RPN2: variants seen among roughly 807,000 people sequenced by gnomAD.
RPN2 encodes dolichyl-diphosphooligosaccharide--protein glycosyltransferase subunit 2.
Under a neutral mutation model 71.4 loss-of-function variants are expected in RPN2, and 29 were observed. The observed-to-expected ratio is 0.41, with a 90% CI of 0.30 to 0.55. The LOEUF is 0.55. Among genes scored for constraint, RPN2 ranks in the 20% least tolerant of loss-of-function variants. RPN2 has a pLI of 0.35. For synonymous variants in RPN2, 308 were observed against 305.0 expected (o/e 1.01, Z -0.10); for missense variants, 726 against 774.1 (o/e 0.94, Z 0.74).
At chr20:37,216,887 T>C (rs924907055) in intron 9 of RPN2, among the ~76,000 whole-genome samples, 4 of 152,144 alleles carry the variant, frequency 2.6e-5, no homozygotes, top group Admixed American at 6.5e-5. Flanking sequence ...CTTATTGCAT[T>C]ATATTACCAT....
rs578240193 is a variant in RPN2, at chr20:37,203,330, A to G, written c.480-555A>G. ...ACCCCTGAATTGTTTGCTTTTTAAA[A>G]TGGTTAATTTTATGTGAATTTTGCT... On this transcript the variant is annotated intron_variant, in intron 4 of 16. Coordinates refer to ENST00000237530, the MANE Select transcript of RPN2 (RefSeq NM_002951.5). Among the ~76,000 whole-genome samples, 26 of 150,358 alleles carry G rather than the reference A, an allele frequency of 1.7e-4. No individual in the cohort carries two copies. The South Asian group carries it at 5.3e-3, about 31-fold the overall frequency.
At chr20:37,197,187 G>A (rs1019863782) in intron 2 of RPN2, among the ~76,000 whole-genome samples, 2 of 152,202 alleles carry the variant, frequency 1.3e-5, no homozygotes, top group African/African-American at 4.8e-5. Flanking sequence ...CATGGAGAGG[G>A]AGGGTCAGTC....
chr20:37,211,872 G>T (rs1270854856), intron 8 of RPN2, among the ~76,000 whole-genome samples: 1 of 151,892 alleles, frequency 6.6e-6, no homozygotes, highest in Non-Finnish European at 1.5e-5. Context: ...TAAGTAGCTG[G>T]GATTACAGGC....
chr20:37,228,889 G>C (rs2068157494), intron 12 of RPN2, 145 bp downstream of exon 12: 1 of 748,746 alleles, frequency 1.3e-6, no homozygotes, highest in Non-Finnish European at 2.3e-6. Context: ...ACTGTGTGCA[G>C]TCTCCATAAA....
chr20:37,191,565 A>C (rs1240109756), intron 2 of RPN2, among the ~76,000 whole-genome samples: 1 of 151,940 alleles, frequency 6.6e-6, no homozygotes, highest in Admixed American at 6.6e-5. Flanking sequence ...CAGGCAATCA[A>C]GACCATCCTG....
chr20:37,236,528 A>G, intron 15 of RPN2, 52 bp from the exon 16 acceptor site: 4 of 1,605,798 alleles, frequency 2.5e-6, no homozygotes, highest in Non-Finnish European at 3.4e-6. Context: ...CCTCAACCGC[A>G]GGGCATCATT....
At chr20:37,186,252 CTT>C (rs1444402050) in intron 2 of RPN2, among the ~76,000 whole-genome samples, 1 of 152,206 alleles carries the variant, frequency 6.6e-6, no homozygotes, top group Non-Finnish European at 1.5e-5. Flanking sequence ...TGCAAAATCA[CTT>C]TATAACAGTT....
intron 8 of RPN2, among the ~76,000 whole-genome samples, chr20:37,210,648 A>G (rs1283066342): frequency 6.6e-6 from 1 of 151,488 alleles, no homozygotes; most frequent in Non-Finnish European, 1.5e-5. Context: ...CTCCTGCCTC[A>G]ATCTCCCAAG....
At chr20:37,184,077 C>G in intron 1 of RPN2, 103 bp from the exon 2 acceptor site, 1 of 1,385,942 alleles carries the variant, frequency 7.2e-7, no homozygotes, top group Non-Finnish European at 1.0e-6. Flanking sequence ...CTCGCCCTTC[C>G]CCATGTGATT....
intron 2 of RPN2, 149 bp from the exon 3 acceptor site, chr20:37,198,248 T>A: frequency 6.9e-7 from 1 of 1,457,740 alleles, no homozygotes; most frequent in East Asian, 2.4e-5. Flanking sequence ...TAATACCGTG[T>A]CCTATGGAAA....
chr20:37,241,219 A>C, intron 16 of RPN2, 84 bp from the exon 17 acceptor site: 2 of 1,494,728 alleles, frequency 1.3e-6, no homozygotes, highest in Admixed American at 1.7e-5. Context: ...AGAGTACCTT[A>C]GTCTCTCTGT....
chr20:37,209,982 C>G, intron 7 of RPN2, 65 bp from the exon 8 acceptor site: 1 of 1,600,660 alleles, frequency 6.2e-7, no homozygotes, highest in South Asian at 1.1e-5. Context: ...ATAAAGCACC[C>G]CAGAAACAAA....
chr20:37,200,075 A>G (rs1600767685), intron 4 of RPN2, among the ~76,000 whole-genome samples: 1 of 151,822 alleles, frequency 6.6e-6, no homozygotes, highest in African/African-American at 2.4e-5. Context: ...GTTCACTGCA[A>G]CCTCCGCCTC....
intron 2 of RPN2, among the ~76,000 whole-genome samples, chr20:37,197,290 C>A (rs1411424901): frequency 6.6e-6 from 1 of 152,196 alleles, no homozygotes; most frequent in Middle Eastern, 3.2e-3. Context: ...AACACGGTTA[C>A]ACTTGTATTT....
At chr20:37,193,371 A>G (rs575725658) in intron 2 of RPN2, among the ~76,000 whole-genome samples, 8 of 152,254 alleles carry the variant, frequency 5.3e-5, no homozygotes, top group Admixed American at 4.6e-4. Context: ...GGCAGAGGAA[A>G]CAGCCTGTGC....
At chr20:37,190,586 A>G (rs754020674) in intron 2 of RPN2, among the ~76,000 whole-genome samples, 92 of 152,220 alleles carry the variant, frequency 6.0e-4, no homozygotes, top group Non-Finnish European at 9.4e-4. Flanking sequence ...TATGAGTAGT[A>G]TGACTATATA....
intron 1 of RPN2, among the ~76,000 whole-genome samples, chr20:37,180,625 G>A (rs2066839813): frequency 1.3e-5 from 2 of 152,148 alleles, no homozygotes; most frequent in Admixed American, 1.3e-4. Flanking sequence ...TGTGCACAAG[G>A]CATTGGGGAT....
rs1371209726 is a variant in RPN2 at position 37,211,260 on chromosome 20, C to T, written c.986+1095C>T. On this transcript the variant is annotated intron_variant, in intron 8 of 16. Coordinates refer to ENST00000237530, the MANE Select transcript of RPN2 (RefSeq NM_002951.5). ...ATGTTGACCAGGCTGGTCTTGAACTCCTGACCTCAAGTGATCCACCCACCT... is the reference window on the plus strand; with the variant it reads ...ATGTTGACCAGGCTGGTCTTGAACTTCTGACCTCAAGTGATCCACCCACCT... Among the ~76,000 whole-genome samples the T allele has an allele frequency of 2.6e-5, 4 of 151,330 alleles. 1 individual carries two copies. The highest frequency in any genetic ancestry group is 5.9e-5 in the Non-Finnish European group (4 of 67,744).
At chr20:37,202,848 A>T (rs1357851612) in intron 4 of RPN2, among the ~76,000 whole-genome samples, 1 of 152,232 alleles carries the variant, frequency 6.6e-6, no homozygotes, top group African/African-American at 2.4e-5. Context: ...AGAATAGGCA[A>T]ATCCGTAGAG....
Sources: gnomAD v4.1 joint callset for allele counts (sites outside exome capture counted in the v4.1 genomes callset) on GRCh38, gnomAD v4.1.1 for gene constraint, MANE v1.5 for transcripts, NCBI Gene and HGNC (gene_info 2026-07-23, HGNC 2026-07-21) for gene names.